Variants in C1QTNF3 observed in about 807,000 individuals in gnomAD.
C1QTNF3 encodes the protein complement C1q tumor necrosis factor-related protein 3.
C1QTNF3 carries 26 observed loss-of-function variants against 32.6 expected under a neutral mutation model. That is an observed-to-expected ratio of 0.80 (90% CI 0.58 to 1.11). The LOEUF (loss-of-function observed/expected upper bound fraction) is 1.11, where lower values mean the gene tolerates loss of function less well. Among genes scored for constraint, C1QTNF3 ranks in the 50% least tolerant of loss-of-function variants. The pLI is 0.00. For synonymous variants in C1QTNF3, 155 were observed against 146.0 expected (o/e 1.06, Z -0.44); for missense variants, 362 against 398.2 (o/e 0.91, Z 0.77).
the C1QTNF3 span, among the ~76,000 whole-genome samples, chr5:34,148,207 G>A: frequency 6.8e-6 from 1 of 147,954 alleles, no homozygotes; most frequent in African/African-American, 2.5e-5. Flanking sequence ...AGGGTCCTAC[G>A]CCCACGGAAT....
chr5:34,135,206 T>C, the C1QTNF3 span, among the ~76,000 whole-genome samples: 1 of 152,236 alleles, frequency 6.6e-6, no homozygotes, highest in Admixed American at 6.5e-5. Context: ...TCTGTTTATG[T>C]GATGGATTAT....
At chr5:34,231,153 A>G in the C1QTNF3 span, among the ~76,000 whole-genome samples, 1 of 152,092 alleles carries the variant, frequency 6.6e-6, no homozygotes, top group Non-Finnish European at 1.5e-5. Context: ...GTTTCAATAA[A>G]CTTAGTTTTG....
the C1QTNF3 span, among the ~76,000 whole-genome samples, chr5:34,213,795 A>ATATATATAT: frequency 3.8e-4 from 1 of 2,634 alleles, no homozygotes; most frequent in Non-Finnish European, 2.0e-3. Context: ...ACATATATAT[A>ATATATATAT]TATATATATA....
At chr5:34,202,812 T>C in the C1QTNF3 span, among the ~76,000 whole-genome samples, 1 of 152,110 alleles carries the variant, frequency 6.6e-6, no homozygotes, top group Admixed American at 6.5e-5. Context: ...GTTTTTTTTT[T>C]CCCTGCAGCC....
the C1QTNF3 span, among the ~76,000 whole-genome samples, chr5:34,204,503 A>T: frequency 6.6e-6 from 1 of 152,358 alleles, no homozygotes; most frequent in East Asian, 1.9e-4. Flanking sequence ...AAAGACAAAT[A>T]CTGCATGTTC....
chr5:34,124,597 A>C, the C1QTNF3 span: 44 of 553,836 alleles, frequency 7.9e-5, 1 homozygote, highest in East Asian at 7.0e-4. Context: ...GATGGTATTC[A>C]TGAGGGATCC....
At chr5:34,181,934 A>G in the C1QTNF3 span, among the ~76,000 whole-genome samples, 3 of 152,288 alleles carry the variant, frequency 2.0e-5, no homozygotes, top group African/African-American at 7.2e-5. Context: ...TGGAATCCCT[A>G]CACTTTGGGA....
the C1QTNF3 span, among the ~76,000 whole-genome samples, chr5:34,135,378 C>CTT: frequency 1.3e-5 from 2 of 152,084 alleles, no homozygotes; most frequent in African/African-American, 4.8e-5. Context: ...CTAAAATTCT[C>CTT]TTATTTTTTT....
the C1QTNF3 span, among the ~76,000 whole-genome samples, chr5:34,154,605 T>C: frequency 6.6e-6 from 1 of 152,194 alleles, no homozygotes; most frequent in Non-Finnish European, 1.5e-5. Flanking sequence ...ATTGAATAAA[T>C]AAATACACAT....
the C1QTNF3 span, among the ~76,000 whole-genome samples, chr5:34,222,348 G>C: frequency 4.0e-5 from 6 of 151,812 alleles, no homozygotes; most frequent in Admixed American, 2.6e-4. Context: ...TGAATTTTTA[G>C]ATTGTTTATA....
chr5:34,046,701 G>A (rs986466572), upstream of C1QTNF3, among the ~76,000 whole-genome samples: 6 of 152,270 alleles, frequency 3.9e-5, no homozygotes, highest in East Asian at 1.9e-4. Flanking sequence ...ATTTTGCTAT[G>A]TCAGTCTTAG....
chr5:34,214,539 T>C, the C1QTNF3 span, among the ~76,000 whole-genome samples: 89 of 152,030 alleles, frequency 5.9e-4, 1 homozygote, highest in Middle Eastern at 3.4e-3. Flanking sequence ...ATAAACTTTT[T>C]TCATGATACT....
the C1QTNF3 span, among the ~76,000 whole-genome samples, chr5:34,053,414 A>G: frequency 0.7 from 107,232 of 152,162 alleles, 37,960 homozygotes; most frequent in East Asian, 0.87. Context: ...CCACCGAACC[A>G]TGTCCCATTG....
chr5:34,213,838 T>G, the C1QTNF3 span, among the ~76,000 whole-genome samples: 1 of 104,362 alleles, frequency 9.6e-6, no homozygotes. Flanking sequence ...TGTGATGGAG[T>G]TTCGCTCTTG....
intron 1 of C1QTNF3, 131 bp from the exon 2 acceptor site, chr5:34,035,889 G>T (rs1174965604): frequency 3.0e-6 from 2 of 674,254 alleles, no homozygotes; most frequent in Non-Finnish European, 2.5e-6. Context: ...ACAAAAGATG[G>T]GATGGGGTGG....
chr5:34,029,617 G>A (rs1754561410), intron 3 of C1QTNF3, among the ~76,000 whole-genome samples: 1 of 152,130 alleles, frequency 6.6e-6, no homozygotes, highest in Non-Finnish European at 1.5e-5. Context: ...CTGTGTGGAT[G>A]GAGTCATTGT....
chr5:34,139,275 G>A, the C1QTNF3 span, among the ~76,000 whole-genome samples: 1 of 151,862 alleles, frequency 6.6e-6, no homozygotes, highest in African/African-American at 2.4e-5. Flanking sequence ...ACATTTTGGA[G>A]AAGTGTGATA....
At chr5:34,064,866 G>A in the C1QTNF3 span, among the ~76,000 whole-genome samples, 7 of 152,128 alleles carry the variant, frequency 4.6e-5, no homozygotes, top group South Asian at 4.2e-4. Flanking sequence ...TCTACATTGC[G>A]GTGTGTAAAA....
At chr5:34,164,096 T>C in the C1QTNF3 span, among the ~76,000 whole-genome samples, 1 of 152,010 alleles carries the variant, frequency 6.6e-6, no homozygotes, top group South Asian at 2.1e-4. Flanking sequence ...AAAAATAGCC[T>C]ATTCAATTAA....
Sources: allele counts gnomAD v4.1 joint callset (sites outside exome capture counted in the v4.1 genomes callset), GRCh38; gene constraint gnomAD v4.1.1; transcripts MANE v1.5; gene names NCBI Gene and HGNC (gene_info 2026-07-23, HGNC 2026-07-21).